COPG2: variants seen among roughly 807,000 people sequenced by gnomAD.
COPG2 encodes the protein coatomer subunit gamma-2.
COPG2 carries 37 observed loss-of-function variants against 46.3 expected under a neutral mutation model. The ratio of observed to expected loss-of-function variants is 0.80; its 90% CI spans 0.61 to 1.05. The LOEUF is 1.05. Among genes scored for constraint, COPG2 ranks in the 50% least tolerant of loss-of-function variants. COPG2 has a pLI of 0.00. For missense variants in COPG2, 427 were observed against 387.8 expected, an observed-to-expected ratio of 1.10 and a Z score of -0.85; for synonymous variants, 159 against 129.7, an observed-to-expected ratio of 1.23 and a Z score of -1.53.
At chr7:130,661,818 C>T (rs1795986315) in intron 4 of COPG2, among the ~76,000 whole-genome samples, 1 of 152,116 alleles carries the variant, frequency 6.6e-6, no homozygotes, top group African/African-American at 2.4e-5. Context: ...ATGATGAGCT[C>T]GGAGTTTTAA....
intron 5 of COPG2, among the ~76,000 whole-genome samples, chr7:130,640,158 CTTTT>C (rs11431866): frequency 4.1e-5 from 4 of 96,454 alleles, no homozygotes; most frequent in African/African-American, 7.2e-5. Flanking sequence ...CACCACCAAC[CTTTT>C]TTTTTTTTTT....
chr7:130,530,262 G>A, intron 20 of COPG2, among the ~76,000 whole-genome samples: 1 of 152,204 alleles, frequency 6.6e-6, no homozygotes, highest in Admixed American at 6.5e-5. Context: ...GGGGTGCATC[G>A]GCTCACTGGG....
chr7:130,627,404 T>A (rs968537177), intron 5 of COPG2, among the ~76,000 whole-genome samples: 1 of 152,170 alleles, frequency 6.6e-6, no homozygotes, highest in African/African-American at 2.4e-5. Flanking sequence ...GCAAGTTAGC[T>A]AACTGCAACC....
At chr7:130,579,301 G>C (rs1200822359) in intron 9 of COPG2, among the ~76,000 whole-genome samples, 3 of 148,112 alleles carry the variant, frequency 2.0e-5, no homozygotes, top group Admixed American at 1.4e-4. Context: ...CAAATGCTGA[G>C]AGATTTTGTC....
At chr7:130,646,190 G>A (rs2116217959) in intron 5 of COPG2, among the ~76,000 whole-genome samples, 1 of 152,276 alleles carries the variant, frequency 6.6e-6, no homozygotes, top group East Asian at 1.9e-4. Context: ...GTCAGAATTG[G>A]GTAAGGCTGA....
At chr7:130,662,335 C>T (rs1019386680) in intron 4 of COPG2, among the ~76,000 whole-genome samples, 1 of 151,964 alleles carries the variant, frequency 6.6e-6, no homozygotes, top group East Asian at 1.9e-4. Flanking sequence ...GCAATACATA[C>T]CAAAAAACTG....
At chr7:130,545,201 ATTTC>A (rs1793419226) in intron 20 of COPG2, among the ~76,000 whole-genome samples, 1 of 151,816 alleles carries the variant, frequency 6.6e-6, no homozygotes, top group Admixed American at 6.6e-5. Flanking sequence ...ATTTCATTTC[ATTTC>A]ATCCTATAAC....
chr7:130,602,395 TTATTACCA>T (rs1246764982), intron 9 of COPG2, among the ~76,000 whole-genome samples: 2 of 152,128 alleles, frequency 1.3e-5, no homozygotes, highest in Non-Finnish European at 2.9e-5. Context: ...AAGTTTTATA[TTATTACCA>T]TATTTTCCTC....
At chr7:130,645,888 C>A (rs11979508) in intron 5 of COPG2, among the ~76,000 whole-genome samples, 17,691 of 152,166 alleles carry the variant, frequency 0.12, 1,204 homozygotes, top group East Asian at 0.22. Flanking sequence ...CAAGCAAAAT[C>A]CCTCAAGCAT....
chr7:130,536,236 GGC>G (rs2116365201), intron 20 of COPG2, among the ~76,000 whole-genome samples: 1 of 152,078 alleles, frequency 6.6e-6, no homozygotes, highest in East Asian at 1.9e-4. Context: ...AGGACTGTTG[GGC>G]AGGGGGAGGG....
intron 20 of COPG2, among the ~76,000 whole-genome samples, chr7:130,531,095 G>A (rs1244478181): frequency 7.1e-6 from 1 of 140,530 alleles, no homozygotes; most frequent in Non-Finnish European, 1.5e-5. Flanking sequence ...GTTTGGGTCT[G>A]GGTTGGGGAT....
intron 4 of COPG2, among the ~76,000 whole-genome samples, chr7:130,656,233 G>C (rs1554459898): frequency 6.7e-6 from 1 of 148,688 alleles, no homozygotes; most frequent in Non-Finnish European, 1.5e-5. Context: ...CGCACAATTA[G>C]TTTGGAAGAG....
At chr7:130,661,334 T>C (rs1264863106) in intron 4 of COPG2, among the ~76,000 whole-genome samples, 2 of 152,234 alleles carry the variant, frequency 1.3e-5, no homozygotes, top group Non-Finnish European at 2.9e-5. Context: ...GGAAGACACC[T>C]GGCTGCAAAA....
intron 9 of COPG2, among the ~76,000 whole-genome samples, chr7:130,582,083 C>G (rs1228620972): frequency 6.6e-6 from 1 of 151,478 alleles, no homozygotes; most frequent in African/African-American, 2.4e-5. Flanking sequence ...ATCACACTAC[C>G]TGACTTCAAA....
intron 4 of COPG2, among the ~76,000 whole-genome samples, chr7:130,659,347 T>A (rs1795923884): frequency 1.3e-4 from 1 of 7,810 alleles, no homozygotes; most frequent in African/African-American, 3.1e-4. Context: ...AGAGCAAGAC[T>A]CCGTCTCAAA....
chr7:130,546,129 A>T (rs1793439170), intron 20 of COPG2, among the ~76,000 whole-genome samples: 2 of 152,196 alleles, frequency 1.3e-5, no homozygotes, highest in African/African-American at 4.8e-5. Flanking sequence ...CCCTTAAAAA[A>T]CAGGACATTG....
intron 20 of COPG2, among the ~76,000 whole-genome samples, chr7:130,533,011 G>A (rs1799843842): frequency 1.3e-5 from 2 of 152,128 alleles, no homozygotes; most frequent in East Asian, 1.9e-4. Flanking sequence ...AGGCCCAGGA[G>A]CTGGGAGCTT....
At chr7:130,593,796 A>G (rs1451294183) in intron 9 of COPG2, among the ~76,000 whole-genome samples, 1 of 152,234 alleles carries the variant, frequency 6.6e-6, no homozygotes, top group Non-Finnish European at 1.5e-5. Context: ...CAGGTAGATT[A>G]CAAACCTAAA....
At chr7:130,523,598 T>G (rs1006835433) in intron 20 of COPG2, among the ~76,000 whole-genome samples, 21 of 152,158 alleles carry the variant, frequency 1.4e-4, no homozygotes, top group African/African-American at 2.2e-4. Flanking sequence ...GGATGACAGC[T>G]AACAAATGGA....
Sources: gnomAD v4.1 joint callset for allele counts (sites outside exome capture counted in the v4.1 genomes callset) on GRCh38, gnomAD v4.1.1 for gene constraint, MANE v1.5 for transcripts, NCBI Gene and HGNC (gene_info 2026-07-23, HGNC 2026-07-21) for gene names.